Variants in JADE3 observed in about 807,000 individuals in gnomAD.
JADE3 encodes jade family PHD finger 3, also known as protein Jade-3.
JADE3 carries 2 observed loss-of-function variants against 50.1 expected under a neutral mutation model. The observed-to-expected ratio is 0.04, with a 90% CI of 0.02 to 0.13. The LOEUF (loss-of-function observed/expected upper bound fraction) is 0.13, where lower values mean the gene tolerates loss of function less well. Among genes scored for constraint, JADE3 ranks in the 10% least tolerant of loss-of-function variants. The probability of loss-of-function intolerance (pLI) is 1.00; values close to 1 mark genes in which losing one functional copy is unlikely to be tolerated. For missense variants in JADE3, 475 were observed against 634.4 expected (o/e 0.75, Z 2.70); for synonymous variants, 218 against 232.9 (o/e 0.94, Z 0.58).
intron 4 of JADE3, among the ~76,000 whole-genome samples, chrX:47,021,864 A>G (rs983243539): frequency 8.9e-6 from 1 of 112,077 alleles, no homozygotes; most frequent in East Asian, 2.8e-4. Context: ...TGCAATTGCA[A>G]ATATCTTCTC....
At chrX:46,917,193 T>C (rs2147100599) in intron 1 of JADE3, among the ~76,000 whole-genome samples, 1 of 105,619 alleles carries the variant, frequency 9.5e-6, no homozygotes, top group East Asian at 3.0e-4. Context: ...TATGGGGAAA[T>C]TGCCTGAAAA....
intron 8 of JADE3, among the ~76,000 whole-genome samples, chrX:47,049,738 G>A (rs1382137747): frequency 6.7e-5 from 7 of 105,142 alleles, no homozygotes; most frequent in African/African-American, 1.7e-4. Flanking sequence ...GAGCCACTGC[G>A]CCTGGCTCTT....
At chrX:46,923,851 G>A (rs1302609584) in intron 1 of JADE3, among the ~76,000 whole-genome samples, 1 of 111,642 alleles carries the variant, frequency 9.0e-6, no homozygotes, top group South Asian at 3.7e-4. Context: ...TCTTAACCAT[G>A]GAGCTGGTTT....
intron 9 of JADE3, 52 bp downstream of exon 9, chrX:47,054,680 G>T: frequency 1.3e-6 from 1 of 761,251 alleles, no homozygotes; most frequent in Non-Finnish European, 1.9e-6. Flanking sequence ...TGTAGAAATG[G>T]AGGTCCCACT....
At chrX:46,986,873 G>A (rs1927874927) in intron 3 of JADE3, among the ~76,000 whole-genome samples, 1 of 112,516 alleles carries the variant, frequency 8.9e-6, no homozygotes, top group South Asian at 3.7e-4. Context: ...TCTACTATGA[G>A]TAGACTTCCT....
At chrX:47,028,924 G>A (rs1301761117) in intron 6 of JADE3, among the ~76,000 whole-genome samples, 1 of 111,142 alleles carries the variant, frequency 9.0e-6, no homozygotes, top group Admixed American at 9.6e-5. Context: ...ATTTTTCAAG[G>A]TCTAGTTCAA....
chrX:47,048,642 A>G (rs1034943522), intron 8 of JADE3, among the ~76,000 whole-genome samples: 9 of 112,178 alleles, frequency 8.0e-5, no homozygotes, highest in Admixed American at 1.9e-4. Flanking sequence ...ACATCAATAG[A>G]GACAGAAAGT....
At chrX:47,047,736 G>C (rs1220099151) in intron 8 of JADE3, among the ~76,000 whole-genome samples, 1 of 111,388 alleles carries the variant, frequency 9.0e-6, no homozygotes, top group Admixed American at 9.6e-5. Context: ...GTTAAACATA[G>C]AGTTACCTTA....
At chrX:47,058,017 C>A in intron 10 of JADE3, 150 bp from the exon 11 acceptor site, 1 of 494,183 alleles carries the variant, frequency 2.0e-6, no homozygotes, top group Non-Finnish European at 3.4e-6. Context: ...GTTCAGCTCA[C>A]TCCAGCTGCT....
chrX:47,038,684 GAAAGA>G (rs1677560138), intron 7 of JADE3, among the ~76,000 whole-genome samples: 1 of 103,859 alleles, frequency 9.6e-6, no homozygotes, highest in South Asian at 4.2e-4. Context: ...AAGAAAGAAA[GAAAGA>G]AAAGTAAAAG....
chrX:47,047,917 G>T (rs142336744), intron 8 of JADE3, among the ~76,000 whole-genome samples: 1 of 111,790 alleles, frequency 8.9e-6, no homozygotes. Flanking sequence ...GCCAAGGATA[G>T]AGGCACATAA....
Position 47,024,736 on chromosome X carries a change from G to C in JADE3, c.297G>C (p.Glu99Asp). ...VPQPSLRIIA[E>D]KVKDVLFIRP... ...GTTGCTTTTCTAGGATTATAGCTGA[G>C]AAGGTAAAGGACGTTCTGTTTATCC... is the stretch of plus-strand genomic sequence containing the variant. Residue 99 changes from glutamate to aspartate, a missense_variant, in exon 5 of 11, where the codon GAG becomes GAC. By Grantham distance (45) the Glu-to-Asp change is conservative. Coordinates refer to ENST00000614628, the MANE Select transcript of JADE3 (RefSeq NM_014735.5). The C allele has an allele frequency of 8.5e-7, 1 of 1,170,356 alleles. No individual in the cohort carries two copies. Among genetic ancestry groups the C allele is most frequent in the Middle Eastern group, 2.4e-4 (1 of 4,227 alleles).
At position 47,041,446 on chromosome X, in the gene JADE3, A is replaced by G. The variant is rs1929251427; in HGVS notation, c.972+2381A>G. The stretch of plus-strand genomic sequence containing the variant: ...CACTCTGTCACCTAGGCTGGAGTGC[A>G]GTGACACAATCATAGCTCACTGCAG... On this transcript the variant is annotated intron_variant, in intron 8 of 10. Coordinates refer to ENST00000614628, the MANE Select transcript of JADE3 (RefSeq NM_014735.5). 2.7e-5 allele frequency among the ~76,000 whole-genome samples: 3 copies of G among 110,622 alleles called. No individual in the cohort carries two copies. The Admixed American group carries it at 2.9e-4, about 11-fold the overall frequency.
chrX:47,056,996 G>T (rs1006124822), intron 10 of JADE3, among the ~76,000 whole-genome samples: 3 of 111,931 alleles, frequency 2.7e-5, no homozygotes, highest in Non-Finnish European at 5.6e-5. Flanking sequence ...AGGCCTTGGG[G>T]TATCTGAGTG....
intron 9 of JADE3, 149 bp downstream of exon 9, chrX:47,054,777 T>G (rs1556373052): frequency 7.0e-6 from 3 of 428,673 alleles, no homozygotes; most frequent in African/African-American, 5.0e-5. Context: ...GCCCCAGACA[T>G]TGGGCTCTGT....
chrX:47,030,357 TAGAA>T (rs1220474381), intron 6 of JADE3, among the ~76,000 whole-genome samples: 2 of 111,451 alleles, frequency 1.8e-5, no homozygotes, highest in African/African-American at 6.5e-5. Flanking sequence ...CTTTCTCACA[TAGAA>T]AGAGATGAGA....
chrX:46,998,317 C>T, intron 4 of JADE3, 40 bp downstream of exon 4: 1 of 1,139,997 alleles, frequency 8.8e-7, no homozygotes, highest in Non-Finnish European at 1.2e-6. Context: ...GGAATGAATG[C>T]TCTCATGTTT....
chrX:46,914,222 G>A (rs186787120), intron 1 of JADE3, among the ~76,000 whole-genome samples: 1 of 111,649 alleles, frequency 9.0e-6, no homozygotes, highest in African/African-American at 3.3e-5. Context: ...GCTGGGAGGG[G>A]GAAAGAGTAG....
chrX:46,993,658 T>C (rs1419047311), intron 3 of JADE3, among the ~76,000 whole-genome samples: 1 of 112,187 alleles, frequency 8.9e-6, no homozygotes, highest in Admixed American at 9.5e-5. Flanking sequence ...TTATTCTTTA[T>C]AAGAAACCTG....
Sources: allele counts gnomAD v4.1 joint callset (sites outside exome capture counted in the v4.1 genomes callset), GRCh38; gene constraint gnomAD v4.1.1; transcripts MANE v1.5; gene names NCBI Gene and HGNC (gene_info 2026-07-23, HGNC 2026-07-21).